The following NPY2R variants were observed in gnomAD, a reference collection of about 807,000 sequenced individuals.
NPY2R encodes the protein neuropeptide Y receptor type 2.
Under a neutral mutation model 22.3 loss-of-function variants are expected in NPY2R, and 17 were observed. The observed-to-expected ratio is 0.76, with a 90% CI of 0.52 to 1.14. The LOEUF (loss-of-function observed/expected upper bound fraction) is 1.14. Among genes scored for constraint, NPY2R ranks in the 50% most tolerant of loss-of-function variants. The pLI is 0.00. For synonymous variants in NPY2R, 209 were observed against 183.4 expected (o/e 1.14, Z -1.13); for missense variants, 424 against 467.9 (o/e 0.91, Z 0.87).
the NPY2R span, among the ~76,000 whole-genome samples, chr4:155,199,287 G>C: frequency 6.6e-6 from 1 of 151,666 alleles, no homozygotes. Context: ...TAGAGTATAA[G>C]GCCCTAGGAA....
chr4:155,194,071 C>G, the NPY2R span, among the ~76,000 whole-genome samples: 1 of 151,298 alleles, frequency 6.6e-6, no homozygotes, highest in East Asian at 1.9e-4. Flanking sequence ...AAGTGAGTCT[C>G]TGACTTTTTA....
chr4:155,213,898 G>A lies in NPY2R; in HGVS notation c.-42G>A. On this transcript the variant is annotated 5_prime_UTR_variant, in exon 2 of 2. Coordinates refer to ENST00000329476, the MANE Select transcript of NPY2R (RefSeq NM_000910.4). Reference sequence around the variant, plus strand: ...TTTTGTTTTTTCTTTTTAGGTTGTAGACTCTTGTGCTGGTTGCAGGCCAAG... The same window carrying A: ...TTTTGTTTTTTCTTTTTAGGTTGTAAACTCTTGTGCTGGTTGCAGGCCAAG... 6.6e-7 allele frequency: 1 copy of A among 1,503,810 alleles called. No homozygotes were observed. The highest frequency in any genetic ancestry group is 9.3e-7 in the Non-Finnish European group (1 of 1,080,094). The allele number at this position is 1,503,810 out of a possible 1,614,324, so 93.2% of individuals were successfully genotyped here. A position where few individuals can be genotyped will look rare whatever the true frequency, so the allele number is the denominator to read the frequency against.
chr4:155,173,820 T>C, the NPY2R span: 1 of 152,082 alleles, frequency 6.6e-6, no homozygotes, highest in African/African-American at 2.4e-5. Context: ...TTTTTCTCTC[T>C]TTTAAGCAGT....
In NPY2R at chr4:155,214,269, T is replaced by C; in HGVS notation, c.330T>C (p.Tyr110=). ...NTLCLPFTLT[Y]TLMGEWKMGP... is the part of the protein sequence containing the mutation. ...TGTGTCTACCGTTCACTCTTACCTA[T>C]ACCTTAATGGGGGAGTGGAAAATGG... The change falls in exon 2 of 2, where the codon TAT becomes TAC. Residue 110 remains tyrosine (Y), a synonymous_variant. Coordinates refer to ENST00000329476, the MANE Select transcript of NPY2R (RefSeq NM_000910.4). The C allele has an allele frequency of 6.2e-7, 1 of 1,614,078 alleles. No homozygotes were observed. Among genetic ancestry groups the C allele is most frequent in the Non-Finnish European group, 8.5e-7 (1 of 1,179,934 alleles).
At position 155,212,268 on chromosome 4, in the gene NPY2R, G is replaced by T. The variant is rs930554187; in HGVS notation, c.-48-1624G>T. Among the ~76,000 whole-genome samples, 5 of 152,064 alleles carry T rather than the reference G, an allele frequency of 3.3e-5. No individual in the cohort carries two copies. In the East Asian group the frequency reaches 9.6e-4, roughly 29 times the overall value. On this transcript the variant is annotated intron_variant, in intron 1 of 1. Coordinates refer to ENST00000329476, the MANE Select transcript of NPY2R (RefSeq NM_000910.4). ...TTGTGATTATGAGCATATTTGAAAG[G>T]TACTACCACCATGGTGTTGGGCTCT... is the stretch of plus-strand genomic sequence containing the variant.
the NPY2R span, among the ~76,000 whole-genome samples, chr4:155,200,241 T>C: frequency 6.6e-6 from 1 of 151,830 alleles, no homozygotes; most frequent in South Asian, 2.1e-4. Flanking sequence ...AACAAACATA[T>C]GGGGAAAAAA....
At chr4:155,192,555 T>G in the NPY2R span, among the ~76,000 whole-genome samples, 1 of 152,010 alleles carries the variant, frequency 6.6e-6, no homozygotes, top group East Asian at 1.9e-4. Context: ...CAATTTTCTA[T>G]AGACATTCCT....
At chr4:155,194,346 C>G in the NPY2R span, among the ~76,000 whole-genome samples, 2 of 150,042 alleles carry the variant, frequency 1.3e-5, no homozygotes, top group African/African-American at 4.9e-5. Flanking sequence ...TTTCGTCACC[C>G]AGGCAGTGAG....
In NPY2R at chr4:155,214,456, T is replaced by A. The variant is rs1294917274; in HGVS notation, c.517T>A (p.Trp173Arg). 6.8e-6 allele frequency: 11 copies of A among 1,613,914 alleles called. No individual in the cohort carries two copies. Among genetic ancestry groups the A allele is most frequent in the Non-Finnish European group, 9.3e-6 (11 of 1,180,006 alleles). ...RISFLIIGLA[W>R]GISALLASPL... The stretch of plus-strand genomic sequence containing the variant: ...CAGCTTCCTGATTATTGGCTTGGCC[T>A]GGGGCATCAGTGCCCTGCTGGCAAG... Residue 173 changes from tryptophan (W) to arginine (R), a missense_variant, in exon 2 of 2, where the codon TGG (tryptophan) becomes AGG (arginine). Physicochemically the swap from Trp to Arg is moderately radical, Grantham distance 101. Coordinates refer to ENST00000329476, the MANE Select transcript of NPY2R (RefSeq NM_000910.4).
the NPY2R span, among the ~76,000 whole-genome samples, chr4:155,196,227 CT>C: frequency 0.051 from 7,718 of 151,950 alleles, 238 homozygotes; most frequent in Middle Eastern, 0.095. Context: ...TCTGCTTCTT[CT>C]TTTTTTCCCC....
the NPY2R span, among the ~76,000 whole-genome samples, chr4:155,180,068 C>T: frequency 3.4e-5 from 5 of 148,124 alleles, no homozygotes; most frequent in South Asian, 4.3e-4. Context: ...CTGTTACTTT[C>T]TTTTCCTATT....
At chr4:155,184,672 C>T in the NPY2R span, among the ~76,000 whole-genome samples, 10 of 152,142 alleles carry the variant, frequency 6.6e-5, no homozygotes, top group African/African-American at 2.2e-4. Context: ...CAAGTACAGT[C>T]ATTATTTCTT....
At chr4:155,192,836 A>G in the NPY2R span, among the ~76,000 whole-genome samples, 1 of 151,952 alleles carries the variant, frequency 6.6e-6, no homozygotes, top group Non-Finnish European at 1.5e-5. Flanking sequence ...GAAGTGAGGA[A>G]GAGGAGAAGG....
chr4:155,205,605 C>A (rs1453204894), upstream of NPY2R, among the ~76,000 whole-genome samples: 1 of 152,116 alleles, frequency 6.6e-6, no homozygotes, highest in Non-Finnish European at 1.5e-5. Context: ...ATCTATTCAA[C>A]CAGAAATGGA....
At chr4:155,195,128 A>G in the NPY2R span, among the ~76,000 whole-genome samples, 3 of 152,010 alleles carry the variant, frequency 2.0e-5, no homozygotes, top group East Asian at 5.8e-4. Context: ...TGTAAACTAA[A>G]TGTATTTTAA....
chr4:155,215,108 A>G lies in NPY2R; in HGVS notation c.*23A>G, dbSNP rs781762000. On this transcript the variant is annotated 3_prime_UTR_variant, in exon 2 of 2. Transcript: ENST00000329476. ...TAAGGAAGCTGTGGTGTGAAAATGT[A>G]TGGATGAATTCTGACCAGAGCTATG... 4.7e-5 allele frequency: 76 copies of G among 1,602,854 alleles called. No individual in the cohort carries two copies. Among genetic ancestry groups the G allele is most frequent in the Non-Finnish European group, 6.2e-5 (73 of 1,171,388 alleles).
At chr4:155,193,173 A>G in the NPY2R span, among the ~76,000 whole-genome samples, 1 of 151,840 alleles carries the variant, frequency 6.6e-6, no homozygotes, top group Admixed American at 6.6e-5. Flanking sequence ...AGAACTCTTT[A>G]ATCCTAGAGA....
Position 155,215,147 on chromosome 4 carries a change from G to A in NPY2R, c.*62G>A. 7 of 1,454,784 alleles carry A rather than the reference G, an allele frequency of 4.8e-6. 1 individual carries two copies. The Middle Eastern group carries it at 1.2e-3, about 251-fold the overall frequency. The allele number at this position is 1,454,784 out of a possible 1,614,324, so 90.1% of individuals were successfully genotyped here. On this transcript the variant is annotated 3_prime_UTR_variant, in exon 2 of 2. Coordinates refer to ENST00000329476, the MANE Select transcript of NPY2R (RefSeq NM_000910.4). ...ACCAGAGCTATGAATCTGGTTGATG[G>A]CGGCTCACAAGTGAAAACTGATTTC... is the stretch of plus-strand genomic sequence containing the variant.
upstream of NPY2R, among the ~76,000 whole-genome samples, chr4:155,204,235 G>A (rs1729241103): frequency 6.6e-6 from 1 of 151,814 alleles, no homozygotes; most frequent in Non-Finnish European, 1.5e-5. Flanking sequence ...TAGCTTTCTG[G>A]CAGAGTGAAA....
Sources: gnomAD v4.1 joint callset for allele counts (sites outside exome capture counted in the v4.1 genomes callset) on GRCh38, gnomAD v4.1.1 for gene constraint, MANE v1.5 for transcripts, NCBI Gene and HGNC (gene_info 2026-07-23, HGNC 2026-07-21) for gene names.